The following MAPK10 variants were observed in gnomAD, a reference collection of about 807,000 sequenced individuals.
MAPK10 encodes JNK3 alpha protein kinase.
In MAPK10, 25 loss-of-function variants were observed where a neutral mutation model predicts 59.3. The ratio of observed to expected loss-of-function variants is 0.42; its 90% CI spans 0.31 to 0.59. The LOEUF is 0.59. MAPK10 is among the 20% of genes least tolerant of loss of function. The pLI is 0.15. For missense variants in MAPK10, 351 were observed against 568.9 expected, an observed-to-expected ratio of 0.62 and a Z score of 3.90; for synonymous variants, 190 against 200.5, an observed-to-expected ratio of 0.95 and a Z score of 0.44.
chr4:86,085,343 C>T (rs1452819640), intron 9 of MAPK10, among the ~76,000 whole-genome samples: 1 of 152,090 alleles, frequency 6.6e-6, no homozygotes, highest in Admixed American at 6.6e-5. Context: ...TTGCAAACTA[C>T]TCATCTGACA....
At chr4:86,298,018 C>G (rs1181546715) in intron 2 of MAPK10, among the ~76,000 whole-genome samples, 2 of 152,284 alleles carry the variant, frequency 1.3e-5, no homozygotes, top group East Asian at 1.9e-4. Flanking sequence ...TGCATTAGAG[C>G]CTTTGTCTGT....
intron 1 of MAPK10, among the ~76,000 whole-genome samples, chr4:86,404,399 T>G (rs1744103906): frequency 6.6e-6 from 1 of 152,204 alleles, no homozygotes; most frequent in Non-Finnish European, 1.5e-5. Context: ...ATTATAGGAC[T>G]GTTTTCTTGA....
chr4:86,073,965 C>T (rs1194450513), intron 9 of MAPK10, among the ~76,000 whole-genome samples: 2 of 101,128 alleles, frequency 2.0e-5, no homozygotes, highest in African/African-American at 4.5e-5. Context: ...CTTTCTGTCT[C>T]GTTGATCTGT....
intron 1 of MAPK10, among the ~76,000 whole-genome samples, chr4:86,489,273 T>G (rs1446953126): frequency 6.6e-6 from 1 of 152,192 alleles, no homozygotes; most frequent in Admixed American, 6.5e-5. Context: ...TTGGGATAAT[T>G]ATTTATGCAG....
At chr4:86,152,218 G>A (rs1439663597) in intron 4 of MAPK10, 1 of 152,136 alleles carries the variant, frequency 6.6e-6, no homozygotes, top group Non-Finnish European at 1.5e-5. Context: ...GTGAAATCAT[G>A]ATTTTATTAA....
intron 1 of MAPK10, among the ~76,000 whole-genome samples, chr4:86,414,054 G>A (rs1045280087): frequency 9.2e-5 from 14 of 151,408 alleles, no homozygotes; most frequent in African/African-American, 2.4e-4. Context: ...CCTTATAAGC[G>A]ACCCCGCATA....
At position 86,145,070 on chromosome 4, in the gene MAPK10, G is replaced by A. The variant is rs182714038; in HGVS notation, c.236+14228C>T. On this transcript the variant is annotated intron_variant, in intron 4 of 13. Transcript: ENST00000641462. ...AGTTTTATCCTCCTTAAAATACAAC[G>A]AAGCAGAAAAGTGGCAATTTTACAA... is the stretch of plus-strand genomic sequence containing the variant. 1.2e-4 allele frequency among the ~76,000 whole-genome samples: 18 copies of A among 152,158 alleles called. No individual in the cohort carries two copies. The South Asian group carries it at 2.9e-3, about 25-fold the overall frequency.
At chr4:86,021,743 C>A (rs1038263562) in intron 13 of MAPK10, among the ~76,000 whole-genome samples, 2 of 152,372 alleles carry the variant, frequency 1.3e-5, no homozygotes, top group Non-Finnish European at 2.9e-5. Flanking sequence ...AGGTCCTGAG[C>A]CTTGCCCCGC....
intron 2 of MAPK10, among the ~76,000 whole-genome samples, chr4:86,296,383 A>G (rs540761637): frequency 3.3e-5 from 5 of 152,170 alleles, no homozygotes; most frequent in Non-Finnish European, 5.9e-5. Flanking sequence ...CACCCAGGAG[A>G]TGAAAGGAAC....
intron 2 of MAPK10, among the ~76,000 whole-genome samples, chr4:86,296,333 A>G (rs941460838): frequency 6.6e-6 from 1 of 152,168 alleles, no homozygotes; most frequent in Non-Finnish European, 1.5e-5. Flanking sequence ...CTGAGGCTTC[A>G]GAAGTGGTAG....
At chr4:86,290,525 C>T (rs2095187984) in intron 2 of MAPK10, among the ~76,000 whole-genome samples, 1 of 152,192 alleles carries the variant, frequency 6.6e-6, no homozygotes, top group South Asian at 2.1e-4. Flanking sequence ...TTCTTCTTAG[C>T]TCTTTATCAT....
At chr4:86,319,498 T>C (rs1486427013) in intron 2 of MAPK10, among the ~76,000 whole-genome samples, 1 of 152,228 alleles carries the variant, frequency 6.6e-6, no homozygotes, top group Non-Finnish European at 1.5e-5. Flanking sequence ...TGCAATCACA[T>C]GATATTATGA....
At chr4:86,572,036 A>C (rs1761499024) in intron 1 of MAPK10, among the ~76,000 whole-genome samples, 1 of 152,120 alleles carries the variant, frequency 6.6e-6, no homozygotes, top group African/African-American at 2.4e-5. Flanking sequence ...CTAGCTTTAA[A>C]TGTATATATG....
At chr4:86,043,912 A>G (rs1007094782) in intron 11 of MAPK10, among the ~76,000 whole-genome samples, 2 of 152,206 alleles carry the variant, frequency 1.3e-5, no homozygotes, top group Non-Finnish European at 2.9e-5. Flanking sequence ...AAAATCTATG[A>G]GTTAGTAGCA....
chr4:86,044,304 T>C (rs2042117686), intron 11 of MAPK10, among the ~76,000 whole-genome samples: 1 of 152,156 alleles, frequency 6.6e-6, no homozygotes, highest in South Asian at 2.1e-4. Context: ...ATTGAAATCA[T>C]CTGGGAGTTT....
intron 2 of MAPK10, among the ~76,000 whole-genome samples, chr4:86,299,142 G>A (rs924012094): frequency 1.2e-4 from 19 of 152,024 alleles, no homozygotes; most frequent in African/African-American, 4.6e-4. Flanking sequence ...TTGTTTTTCA[G>A]AATAAAAGCA....
intron 3 of MAPK10, among the ~76,000 whole-genome samples, chr4:86,185,002 G>A (rs1394700111): frequency 1.3e-5 from 2 of 152,120 alleles, no homozygotes; most frequent in African/African-American, 4.8e-5. Context: ...GGCTGGGGAG[G>A]AGAAATAATG....
At chr4:86,099,855 TGTG>T (rs1205645560) in intron 8 of MAPK10, 1 of 152,150 alleles carries the variant, frequency 6.6e-6, no homozygotes, top group Admixed American at 6.6e-5. Flanking sequence ...ATAAATTAGA[TGTG>T]GTATTGCCTA....
At chr4:86,195,699 C>T (rs1276691566) in intron 2 of MAPK10, among the ~76,000 whole-genome samples, 1 of 152,100 alleles carries the variant, frequency 6.6e-6, no homozygotes, top group Non-Finnish European at 1.5e-5. Context: ...TTAGGTATTT[C>T]TCTGAATGCT....
Sources: allele counts gnomAD v4.1 joint callset (sites outside exome capture counted in the v4.1 genomes callset), GRCh38; gene constraint gnomAD v4.1.1; transcripts MANE v1.5; gene names NCBI Gene and HGNC (gene_info 2026-07-23, HGNC 2026-07-21).